Variants in ZSCAN5A observed in about 807,000 individuals in gnomAD.
The protein encoded by ZSCAN5A is zinc finger and SCAN domain containing 5A, also known as zinc finger and SCAN domain-containing protein 5A.
Under a neutral mutation model 23.7 loss-of-function variants are expected in ZSCAN5A, and 12 were observed. The observed-to-expected ratio is 0.51, with a 90% CI of 0.32 to 0.82. ZSCAN5A has a LOEUF of 0.82. Ranked by LOEUF, ZSCAN5A falls within the 40% of genes least tolerant of loss-of-function variation. The pLI is 0.03. For missense variants in ZSCAN5A, 597 were observed against 617.9 expected (o/e 0.97, Z 0.36); for synonymous variants, 257 against 239.9 (o/e 1.07, Z -0.66).
chr19:56,258,771 G>A (rs2036911985), intron 2 of ZSCAN5A, among the ~76,000 whole-genome samples: 1 of 152,172 alleles, frequency 6.6e-6, no homozygotes, highest in South Asian at 2.1e-4. Flanking sequence ...TCTGGGCAGG[G>A]CTGTGACTTG....
intron 2 of ZSCAN5A, among the ~76,000 whole-genome samples, chr19:56,239,169 CA>C (rs1217079995): frequency 2.6e-5 from 4 of 152,188 alleles, no homozygotes; most frequent in African/African-American, 9.7e-5. Context: ...TCACAAAATT[CA>C]GTGGCTTAAG....
At chr19:56,227,140 G>T (rs1039880571) in intron 2 of ZSCAN5A, among the ~76,000 whole-genome samples, 13 of 151,956 alleles carry the variant, frequency 8.6e-5, no homozygotes, top group African/African-American at 3.1e-4. Flanking sequence ...TTGTATACTT[G>T]GAAACTGCTT....
Position 56,221,788 on chromosome 19 carries a change from G to A in ZSCAN5A, c.1278C>T (p.Tyr426=), listed in dbSNP as rs776012886. The A allele has an allele frequency of 1.2e-6, 2 of 1,614,114 alleles. No homozygotes were observed. The highest frequency in any genetic ancestry group is 1.7e-6 in the Non-Finnish European group (2 of 1,179,952). The change falls in exon 6 of 6, where the codon TAC becomes TAT. Residue 426 remains tyrosine, a synonymous_variant. Transcript: ENST00000683990. ...VCQKQFTQKS[Y]LKCHKRSHTG... ...TGTGGCTTCTCTTGTGACACTTCAAGTAGGACTTCTGGGTGAACTGCTTCT... is the reference window on the plus strand; with the variant it reads ...TGTGGCTTCTCTTGTGACACTTCAAATAGGACTTCTGGGTGAACTGCTTCT...
intron 2 of ZSCAN5A, among the ~76,000 whole-genome samples, chr19:56,254,854 T>A (rs2036589022): frequency 6.6e-6 from 1 of 152,140 alleles, no homozygotes; most frequent in Admixed American, 6.5e-5. Flanking sequence ...TGGAGAAATG[T>A]CTAAGTTCTT....
chr19:56,260,032 A>G (rs867131541), intron 2 of ZSCAN5A, among the ~76,000 whole-genome samples: 4 of 152,198 alleles, frequency 2.6e-5, no homozygotes, highest in Non-Finnish European at 5.9e-5. Flanking sequence ...AAAAAGAAAA[A>G]AGTTAATAAA....
chr19:56,230,631 G>A (rs201244940), intron 2 of ZSCAN5A, among the ~76,000 whole-genome samples: 30,916 of 106,922 alleles, frequency 0.29, 3,319 homozygotes, highest in Non-Finnish European at 0.39. Context: ...GTGTGTGTGT[G>A]TGTGTGTGTG....
chr19:56,238,007 A>ACACATAGG (rs1568627730), intron 2 of ZSCAN5A, among the ~76,000 whole-genome samples: 3 of 22,850 alleles, frequency 1.3e-4, no homozygotes, highest in East Asian at 1.8e-3. Flanking sequence ...GCACACATAC[A>ACACATAGG]CACACACGTC....
chr19:56,343,108 A>G (rs183062160), intron 2 of ZSCAN5A: 20 of 756,338 alleles, frequency 2.6e-5, no homozygotes, highest in East Asian at 1.5e-4. Flanking sequence ...GTCCTATCCA[A>G]TGATCCACAA....
intron 2 of ZSCAN5A, among the ~76,000 whole-genome samples, chr19:56,244,865 A>G (rs1349435258): frequency 9.9e-5 from 15 of 151,594 alleles, no homozygotes; most frequent in South Asian, 2.1e-4. Context: ...CCCATCCTGA[A>G]GCAGGGAAAG....
At position 56,221,492 on chromosome 19, in the gene ZSCAN5A, T is replaced by G; in HGVS notation, c.*83A>C. 1.3e-6 allele frequency: 2 copies of G among 1,496,866 alleles called. No individual in the cohort carries two copies. Among genetic ancestry groups the G allele is most frequent in the South Asian group, 2.8e-5 (2 of 72,444 alleles). The allele number at this position is 1,496,866 out of a possible 1,614,324, so 92.7% of individuals were successfully genotyped here. On this transcript the variant is annotated 3_prime_UTR_variant, in exon 6 of 6. Coordinates refer to ENST00000683990, the MANE Select transcript of ZSCAN5A (RefSeq NM_001322064.3). ...CCTCTGTGTGTCAGACGCCCTTGCA[T>G]GTGTCAAATGTCATCTGATAACATT...
chr19:56,357,131 T>C lies in ZSCAN5A; in HGVS notation c.-358+6104A>G, dbSNP rs2041704718. On this transcript the variant is annotated intron_variant, in intron 2 of 6. Coordinates refer to the ZSCAN5A transcript ENST00000587340. ...GCCTTCTTCTCCTCTTTCTCCACTG[T>C]CTGTGACGTGTCTGTTTTTGTCTGG... Among the ~76,000 whole-genome samples, 2 of 148,830 alleles carry C rather than the reference T, an allele frequency of 1.3e-5. 1 individual carries two copies. The highest frequency in any genetic ancestry group is 3.0e-5 in the Non-Finnish European group (2 of 67,330).
rs770979522 is a variant in ZSCAN5A at position 56,245,296 on chromosome 19, T to A, written c.-127-20123A>T. ...TCGAGATGGCTGAAATCCCTGCCAG[T>A]GTCAGAGATGATCCGAGAGGCGTGT... On this transcript the variant is annotated intron_variant, in intron 2 of 5. Transcript: ENST00000683990. The A allele has an allele frequency of 6.0e-5, 44 of 732,644 alleles. No homozygotes were observed. The Admixed American group carries it at 7.9e-4, about 13-fold the overall frequency. 45.4% of individuals were successfully genotyped at this position (732,644 alleles called of 1,614,324 possible). A position where few individuals can be genotyped will look rare whatever the true frequency, so the allele number is the denominator to read the frequency against.
intron 2 of ZSCAN5A, chr19:56,228,314 G>A (rs1246363462): frequency 4.1e-6 from 4 of 985,270 alleles, no homozygotes; most frequent in African/African-American, 3.5e-5. Context: ...CCGGCCTGGA[G>A]CTGAACTGCG....
intron 2 of ZSCAN5A, chr19:56,310,462 G>T (rs146483738): frequency 2.6e-5 from 4 of 152,246 alleles, no homozygotes; most frequent in African/African-American, 7.2e-5. Flanking sequence ...GGCTGAAAAG[G>T]CTGGGTTATT....
chr19:56,277,362 A>G (rs2147020576), intron 2 of ZSCAN5A, among the ~76,000 whole-genome samples: 1 of 152,326 alleles, frequency 6.6e-6, no homozygotes, highest in South Asian at 2.1e-4. Flanking sequence ...ATAAAAAGAA[A>G]CAAAGTTCTG....
intron 2 of ZSCAN5A, among the ~76,000 whole-genome samples, chr19:56,289,709 G>A (rs775435317): frequency 2.0e-5 from 3 of 152,112 alleles, no homozygotes; most frequent in Non-Finnish European, 2.9e-5. Flanking sequence ...GACCCCCCAG[G>A]CTCAAGCAAT....
intron 2 of ZSCAN5A, among the ~76,000 whole-genome samples, chr19:56,329,584 AAATAAT>A (rs1257082649): frequency 1.3e-5 from 2 of 151,934 alleles, no homozygotes; most frequent in South Asian, 2.1e-4. Context: ...CAAGCAGAAG[AAATAAT>A]AATAATAATT....
chr19:56,345,975 A>AG (rs2041629206), intron 2 of ZSCAN5A, among the ~76,000 whole-genome samples: 1 of 152,202 alleles, frequency 6.6e-6, no homozygotes, highest in South Asian at 2.1e-4. Context: ...AAGGAAAAAC[A>AG]GGTGTCTACC....
intron 2 of ZSCAN5A, among the ~76,000 whole-genome samples, chr19:56,243,587 A>G (rs2035602590): frequency 6.6e-6 from 1 of 152,220 alleles, no homozygotes; most frequent in Non-Finnish European, 1.5e-5. Context: ...ACAGGAAAAC[A>G]TAAATAAGTT....
Sources: allele counts gnomAD v4.1 joint callset (sites outside exome capture counted in the v4.1 genomes callset), GRCh38; gene constraint gnomAD v4.1.1; transcripts MANE v1.5; gene names NCBI Gene and HGNC (gene_info 2026-07-23, HGNC 2026-07-21).